The following CDH4 variants were observed in gnomAD, a reference collection of about 807,000 sequenced individuals.
CDH4 encodes the protein cadherin-4.
A neutral mutation model predicts 86.0 loss-of-function variants in CDH4; 33 were observed. The ratio of observed to expected loss-of-function variants is 0.38; its 90% CI spans 0.29 to 0.51. CDH4 has a LOEUF of 0.51. CDH4 is among the 20% of genes least tolerant of loss of function. The probability of loss-of-function intolerance (pLI) is 0.86; values close to 1 mark genes in which losing one functional copy is unlikely to be tolerated. For missense variants in CDH4, 1,114 were observed against 1,307.4 expected (o/e 0.85, Z 2.28); for synonymous variants, 555 against 549.4 (o/e 1.01, Z -0.14).
intron 7 of CDH4, among the ~76,000 whole-genome samples, chr20:61,881,107 C>T (rs1984252985): frequency 3.9e-5 from 6 of 152,298 alleles, no homozygotes; most frequent in East Asian, 1.9e-4. Context: ...AGGGTTCCTG[C>T]GGCCACAGGG....
chr20:61,296,080 C>T (rs769707815), intron 2 of CDH4, among the ~76,000 whole-genome samples: 1 of 152,160 alleles, frequency 6.6e-6, no homozygotes, highest in East Asian at 1.9e-4. Flanking sequence ...GAGTGGCCTG[C>T]GAGAAGGAGA....
chr20:61,525,147 C>G (rs2085901117), intron 2 of CDH4, among the ~76,000 whole-genome samples: 1 of 152,186 alleles, frequency 6.6e-6, no homozygotes, highest in South Asian at 2.1e-4. Flanking sequence ...GGGTTTTATC[C>G]TAATGCCCAT....
intron 2 of CDH4, among the ~76,000 whole-genome samples, chr20:61,434,065 C>G (rs1439836519): frequency 6.6e-6 from 1 of 152,138 alleles, no homozygotes; most frequent in Non-Finnish European, 1.5e-5. Flanking sequence ...CTAGCATGTA[C>G]CACTCTCCAC....
At chr20:61,845,710 G>A (rs772385543) in intron 5 of CDH4, among the ~76,000 whole-genome samples, 5 of 152,180 alleles carry the variant, frequency 3.3e-5, no homozygotes, top group Non-Finnish European at 7.3e-5. Flanking sequence ...GGTTAACCCT[G>A]GTGAGGCGTT....
At chr20:61,378,547 T>A (rs982589170) in intron 2 of CDH4, among the ~76,000 whole-genome samples, 1 of 152,194 alleles carries the variant, frequency 6.6e-6, no homozygotes, top group Non-Finnish European at 1.5e-5. Flanking sequence ...GGCCTTCTCC[T>A]CTCATCTGTG....
intron 2 of CDH4, among the ~76,000 whole-genome samples, chr20:61,621,854 G>A (rs568505100): frequency 1.3e-5 from 2 of 152,322 alleles, no homozygotes; most frequent in East Asian, 3.9e-4. Context: ...AAGTGTGTGT[G>A]CTTCTCTCTG....
chr20:61,265,651 G>A (rs935665540), intron 2 of CDH4, among the ~76,000 whole-genome samples: 1 of 152,138 alleles, frequency 6.6e-6, no homozygotes, highest in Admixed American at 6.5e-5. Context: ...GACCTCAATG[G>A]TTCCTTCATT....
intron 2 of CDH4, among the ~76,000 whole-genome samples, chr20:61,305,169 T>G (rs1187397363): frequency 6.6e-6 from 1 of 152,168 alleles, no homozygotes; most frequent in Non-Finnish European, 1.5e-5. Flanking sequence ...ATGTTGAGCC[T>G]GACTGTCCGT....
chr20:61,848,272 G>T (rs1568847733), intron 5 of CDH4, among the ~76,000 whole-genome samples: 1 of 152,230 alleles, frequency 6.6e-6, no homozygotes, highest in East Asian at 1.9e-4. Context: ...GGCGGTGGGG[G>T]TGGGGCTGCT....
intron 3 of CDH4, among the ~76,000 whole-genome samples, chr20:61,757,815 T>C (rs868856745): frequency 3.9e-5 from 6 of 152,082 alleles, no homozygotes; most frequent in African/African-American, 1.2e-4. Context: ...TGGTACAGAC[T>C]CTGTGTCACC....
intron 5 of CDH4, among the ~76,000 whole-genome samples, chr20:61,851,011 T>C (rs1982697401): frequency 1.3e-5 from 2 of 152,236 alleles, no homozygotes; most frequent in Non-Finnish European, 2.9e-5. Flanking sequence ...AGAATTACTT[T>C]TCCCCCGAGG....
intron 3 of CDH4, among the ~76,000 whole-genome samples, chr20:61,750,179 A>C (rs779233544): frequency 6.6e-6 from 1 of 152,222 alleles, no homozygotes; most frequent in Non-Finnish European, 1.5e-5. Flanking sequence ...GAAAACAATG[A>C]AACAGAAAAC....
chr20:61,386,893 G>A (rs767361040), intron 2 of CDH4, among the ~76,000 whole-genome samples: 2 of 152,250 alleles, frequency 1.3e-5, no homozygotes, highest in African/African-American at 4.8e-5. Flanking sequence ...CGGAGCCCGG[G>A]GGGAGGAGGC....
intron 2 of CDH4, among the ~76,000 whole-genome samples, chr20:61,735,385 C>T (rs961116936): frequency 1.5e-4 from 23 of 152,228 alleles, no homozygotes; most frequent in African/African-American, 5.3e-4. Flanking sequence ...CCAAGGGAAA[C>T]CTGGTCCCCA....
In CDH4 at chr20:61,844,807, A is replaced by G; in HGVS notation, c.716A>G (p.Glu239Gly). 6.2e-7 allele frequency: 1 copy of G among 1,612,636 alleles called. No homozygotes were observed. Among genetic ancestry groups the G allele is most frequent in the South Asian group, 1.1e-5 (1 of 90,874 alleles). ...MYVTRPMDRE[E>G]HASYHLRAHA... ...GTCACAAGGCCCATGGACCGGGAGG[A>G]GCACGCCTCTTACCACGTGAGTGTC... The change falls in exon 5 of 16, where the codon GAG becomes GGG. Residue 239 changes from glutamate to glycine, a missense_variant. By Grantham distance (98) the Glu-to-Gly change is moderately conservative (BLOSUM62 -2). This residue lies in a region of CDH4 where 705 missense variants were observed against 914.1 expected (regional missense o/e 0.77). Coordinates refer to ENST00000614565, the MANE Select transcript of CDH4 (RefSeq NM_001794.5).
At chr20:61,599,535 T>C (rs2145742459) in intron 2 of CDH4, among the ~76,000 whole-genome samples, 2 of 152,278 alleles carry the variant, frequency 1.3e-5, no homozygotes, top group South Asian at 2.1e-4. Flanking sequence ...AGCAAGGGGA[T>C]ACGTGGAAGA....
chr20:61,401,723 AATTCTACAC>A (rs1161582928), intron 2 of CDH4, among the ~76,000 whole-genome samples: 2 of 152,208 alleles, frequency 1.3e-5, no homozygotes, highest in African/African-American at 4.8e-5. Flanking sequence ...TTTAGGACAG[AATTCTACAC>A]ATCTGTAGAT....
At chr20:61,930,158 G>A (rs2055090291) in intron 13 of CDH4, among the ~76,000 whole-genome samples, 4 of 152,330 alleles carry the variant, frequency 2.6e-5, no homozygotes, top group Admixed American at 1.3e-4. Flanking sequence ...TGTGACGCCT[G>A]TGGGCAGCTC....
intron 2 of CDH4, among the ~76,000 whole-genome samples, chr20:61,688,599 G>C (rs561472353): frequency 6.6e-6 from 1 of 152,164 alleles, no homozygotes; most frequent in Admixed American, 6.5e-5. Context: ...CCAGGGACTC[G>C]CAGCATCTCT....
Sources: allele counts gnomAD v4.1 joint callset (sites outside exome capture counted in the v4.1 genomes callset), GRCh38; gene constraint gnomAD v4.1.1; regional missense constraint gnomAD v4.1.1; transcripts MANE v1.5; gene names NCBI Gene and HGNC (gene_info 2026-07-23, HGNC 2026-07-21).